The following ROBO1 variants were observed in gnomAD, a reference collection of about 807,000 sequenced individuals.
The protein encoded by ROBO1 is roundabout homolog 1.
A neutral mutation model predicts 195.9 loss-of-function variants in ROBO1; 149 were observed. The observed-to-expected ratio is 0.76, with a 90% CI of 0.67 to 0.87. ROBO1 has a LOEUF of 0.87. Ranked by LOEUF, ROBO1 falls within the 40% of genes least tolerant of loss-of-function variation. The pLI, the probability that ROBO1 is intolerant of heterozygous loss-of-function variation, is 0.00. For missense variants in ROBO1, 1,933 were observed against 2,068.3 expected (o/e 0.93, Z 1.27); for synonymous variants, 816 against 733.2 (o/e 1.11, Z -1.82).
intron 3 of ROBO1, among the ~76,000 whole-genome samples, chr3:79,113,700 G>A (rs2079936243): frequency 6.6e-6 from 1 of 152,030 alleles, no homozygotes; most frequent in Non-Finnish European, 1.5e-5. Context: ...CTGGGAGGTG[G>A]AGGTTGCAGT....
At chr3:79,703,922 T>A (rs1274306916) in intron 1 of ROBO1, among the ~76,000 whole-genome samples, 1 of 152,102 alleles carries the variant, frequency 6.6e-6, no homozygotes, top group Non-Finnish European at 1.5e-5. Context: ...AATGAATAGA[T>A]GGTGTTTTGT....
chr3:78,676,043 G>A (rs994517998), intron 10 of ROBO1, among the ~76,000 whole-genome samples: 2 of 151,960 alleles, frequency 1.3e-5, no homozygotes, highest in African/African-American at 4.8e-5. Context: ...TGCAGCCACC[G>A]CTGCTGGTAC....
intron 2 of ROBO1, among the ~76,000 whole-genome samples, chr3:79,530,151 G>A (rs966212813): frequency 2.0e-5 from 3 of 151,918 alleles, no homozygotes; most frequent in African/African-American, 4.8e-5. Flanking sequence ...AAATAATATA[G>A]TAATCTTCAT....
rs1199869716 is a variant in ROBO1 at position 78,636,942 on chromosome 3, T to TATATATATAG, written c.3038-835_3038-834insCTATATATAT. Reference sequence around the variant, plus strand: ...ATAATATATACATTCATTTTATATATATATATATATATATATATATATATA... The same window carrying TATATATATAG: ...ATAATATATACATTCATTTTATATATATATATATAGATATATATATATATATATATATATA... On this transcript the variant is annotated intron_variant, in intron 22 of 30. Transcript: ENST00000464233. Among the ~76,000 whole-genome samples, 5 of 96,760 alleles carry TATATATATAG rather than the reference T, an allele frequency of 5.2e-5. No homozygotes were observed. The East Asian group carries it at 1.3e-3, about 26-fold the overall frequency. The allele number at this position is 96,760 out of a possible 152,430, so 63.5% of individuals were successfully genotyped here. A position where few individuals can be genotyped will look rare whatever the true frequency, so the allele number is the denominator to read the frequency against.
intron 2 of ROBO1, among the ~76,000 whole-genome samples, chr3:79,136,320 C>T (rs2080408124): frequency 6.6e-6 from 1 of 152,098 alleles, no homozygotes; most frequent in South Asian, 2.1e-4. Context: ...CTGTCATATT[C>T]AGTTATGTAT....
chr3:79,306,613 C>G (rs996092573), intron 2 of ROBO1, among the ~76,000 whole-genome samples: 4 of 152,062 alleles, frequency 2.6e-5, no homozygotes, highest in African/African-American at 9.7e-5. Context: ...CCAGTGAAAG[C>G]GAAAAGCAAG....
chr3:78,648,242 A>C (rs1706425661), intron 19 of ROBO1, among the ~76,000 whole-genome samples: 1 of 152,118 alleles, frequency 6.6e-6, no homozygotes, highest in Non-Finnish European at 1.5e-5. Context: ...GAGAACCATA[A>C]AATTTAACTA....
chr3:78,894,567 T>TAAC (rs2037118546), intron 4 of ROBO1, among the ~76,000 whole-genome samples: 2 of 151,922 alleles, frequency 1.3e-5, no homozygotes, highest in Admixed American at 1.3e-4. Flanking sequence ...AAAGATGAAA[T>TAAC]AAAGAAGAAG....
chr3:78,711,348 CTCCTTCCTTCCTTCCTTCCTTCCTTCCT>C (rs1191923818), intron 8 of ROBO1, among the ~76,000 whole-genome samples: 7 of 54,688 alleles, frequency 1.3e-4, no homozygotes, highest in Non-Finnish European at 1.9e-4. Context: ...TCCTTCCTTC[CTCCTTCCTTCCTTCCTTCCTTCCTTCCT>C]TCCTTCCTTC....
intron 6 of ROBO1, 31 bp from the exon 7 acceptor site, chr3:78,717,444 A>G (rs1344801912): frequency 6.2e-7 from 1 of 1,602,598 alleles, no homozygotes; most frequent in Non-Finnish European, 8.5e-7. Flanking sequence ...CTTAAGGTAA[A>G]ATTTTAAAAT....
intron 2 of ROBO1, among the ~76,000 whole-genome samples, chr3:79,141,936 T>G (rs2080536116): frequency 6.6e-6 from 1 of 152,178 alleles, no homozygotes; most frequent in South Asian, 2.1e-4. Flanking sequence ...GCGTATTATT[T>G]GTTTTTACTC....
intron 1 of ROBO1, among the ~76,000 whole-genome samples, chr3:79,728,820 A>G (rs1286598023): frequency 6.6e-6 from 1 of 152,136 alleles, no homozygotes; most frequent in Non-Finnish European, 1.5e-5. Context: ...GAAAACCTTC[A>G]TATAGCAAGT....
chr3:79,046,962 TAC>T (rs2078606671), intron 3 of ROBO1, among the ~76,000 whole-genome samples: 1 of 152,172 alleles, frequency 6.6e-6, no homozygotes, highest in Non-Finnish European at 1.5e-5. Flanking sequence ...AGATAACTAA[TAC>T]AGAGTTCGGC....
chr3:79,370,411 T>C (rs951467107), intron 2 of ROBO1, among the ~76,000 whole-genome samples: 3 of 151,992 alleles, frequency 2.0e-5, no homozygotes, highest in Admixed American at 6.6e-5. Context: ...TTATTCTCCA[T>C]ATATATTCTC....
At chr3:78,841,582 G>A (rs1278331708) in intron 4 of ROBO1, among the ~76,000 whole-genome samples, 3 of 152,050 alleles carry the variant, frequency 2.0e-5, no homozygotes, top group Non-Finnish European at 4.4e-5. Context: ...TTTAAGCCCT[G>A]GGCATAGGGA....
intron 2 of ROBO1, among the ~76,000 whole-genome samples, chr3:79,354,950 G>A (rs549278308): frequency 1.3e-5 from 2 of 152,120 alleles, no homozygotes; most frequent in African/African-American, 4.8e-5. Context: ...GGTGGATCAC[G>A]AGGTCAGGAG....
At chr3:79,206,129 C>T (rs1394140785) in intron 2 of ROBO1, among the ~76,000 whole-genome samples, 1 of 152,162 alleles carries the variant, frequency 6.6e-6, no homozygotes, top group Non-Finnish European at 1.5e-5. Context: ...CTGTCCTACT[C>T]AATCCCAGCT....
intron 3 of ROBO1, among the ~76,000 whole-genome samples, chr3:79,093,823 A>G (rs533319580): frequency 2.0e-5 from 3 of 152,204 alleles, no homozygotes; most frequent in Non-Finnish European, 4.4e-5. Context: ...AAGTCTTGAG[A>G]TCCACCAGAT....
At chr3:79,160,219 A>G (rs1265597359) in intron 2 of ROBO1, among the ~76,000 whole-genome samples, 2 of 149,184 alleles carry the variant, frequency 1.3e-5, no homozygotes, top group Admixed American at 1.3e-4. Context: ...TATTCTGTTC[A>G]TTGCCTTTAA....
Sources: gnomAD v4.1 joint callset for allele counts (sites outside exome capture counted in the v4.1 genomes callset) on GRCh38, gnomAD v4.1.1 for gene constraint, MANE v1.5 for transcripts, NCBI Gene and HGNC (gene_info 2026-07-23, HGNC 2026-07-21) for gene names.